The following LRFN5 variants were observed in gnomAD, a reference collection of about 807,000 sequenced individuals.
The protein encoded by LRFN5 is leucine rich repeat and fibronectin type III domain containing 5.
A neutral mutation model predicts 45.6 loss-of-function variants in LRFN5; 24 were observed. The ratio of observed to expected loss-of-function variants is 0.53; its 90% CI spans 0.38 to 0.74. The LOEUF is 0.74. Ranked by LOEUF, LRFN5 falls within the 30% of genes least tolerant of loss-of-function variation. The probability of loss-of-function intolerance (pLI) is 0.00; values close to 1 mark genes in which losing one functional copy is unlikely to be tolerated. For missense variants in LRFN5, 776 were observed against 861.5 expected (o/e 0.90, Z 1.24); for synonymous variants, 340 against 313.8 (o/e 1.08, Z -0.88).
At chr14:41,664,232 T>C (rs1218439756) in intron 1 of LRFN5, among the ~76,000 whole-genome samples, 1 of 152,072 alleles carries the variant, frequency 6.6e-6, no homozygotes, top group African/African-American at 2.4e-5. Flanking sequence ...ACCTTTAACT[T>C]AAAATACTAT....
chr14:41,619,301 G>A (rs1483557563), intron 1 of LRFN5, among the ~76,000 whole-genome samples: 2 of 151,586 alleles, frequency 1.3e-5, no homozygotes, highest in Non-Finnish European at 2.9e-5. Flanking sequence ...TTACTCTACA[G>A]GTATTTGACA....
chr14:41,874,573 T>C (rs949884253), intron 2 of LRFN5, among the ~76,000 whole-genome samples: 1 of 152,214 alleles, frequency 6.6e-6, no homozygotes, highest in Non-Finnish European at 1.5e-5. Context: ...TCCTTTCTCC[T>C]CTTCCTCATA....
chr14:41,882,683 C>G (rs1037085049), intron 2 of LRFN5, among the ~76,000 whole-genome samples: 2 of 152,024 alleles, frequency 1.3e-5, no homozygotes, highest in African/African-American at 4.8e-5. Context: ...GCTATTGGGG[C>G]TCTTGTGGAT....
At chr14:41,890,214 A>G (rs909341945) in intron 3 of LRFN5, among the ~76,000 whole-genome samples, 1 of 152,108 alleles carries the variant, frequency 6.6e-6, no homozygotes, top group Non-Finnish European at 1.5e-5. Context: ...AAACTCTTGC[A>G]CTTTATAAAT....
intron 1 of LRFN5, among the ~76,000 whole-genome samples, chr14:41,687,564 A>G (rs577930875): frequency 1.2e-4 from 18 of 152,348 alleles, no homozygotes; most frequent in Admixed American, 3.9e-4. Context: ...ATTATTTACA[A>G]TAGCGAAGAT....
chr14:41,676,037 C>G lies in LRFN5; in HGVS notation c.-197+67475C>G, dbSNP rs1367538559. Among the ~76,000 whole-genome samples, 4 of 152,186 alleles carry G rather than the reference C, an allele frequency of 2.6e-5. No homozygotes were observed. In the East Asian group the frequency reaches 7.7e-4, roughly 29 times the overall value. The stretch of plus-strand genomic sequence containing the variant: ...GTGAGCAACCAAGAAGGGAAAGCTC[C>G]CTTTTCCCTACATCCAGTCTGGGGC... On this transcript the variant is annotated intron_variant, in intron 1 of 5. Coordinates refer to ENST00000298119, the MANE Select transcript of LRFN5 (RefSeq NM_152447.5).
chr14:41,776,058 A>G (rs1410814846), intron 2 of LRFN5, among the ~76,000 whole-genome samples: 1 of 152,208 alleles, frequency 6.6e-6, no homozygotes, highest in Non-Finnish European at 1.5e-5. Flanking sequence ...TAGTGATTCC[A>G]GCAAACAACC....
In LRFN5 at chr14:41,793,597, G is replaced by A. The variant is rs973291030; in HGVS notation, c.-21+26568G>A. On this transcript the variant is annotated intron_variant, in intron 2 of 5. Coordinates refer to ENST00000298119, the MANE Select transcript of LRFN5 (RefSeq NM_152447.5). ...CTACAATTTATTGTCCAACTGGGAC[G>A]TTTCAGCTGTAAAAATGTTAATCCA... Among the ~76,000 whole-genome samples the A allele has an allele frequency of 4.6e-5, 7 of 151,834 alleles. No individual in the cohort carries two copies. In the East Asian group the frequency reaches 5.8e-4, roughly 13 times the overall value.
intron 1 of LRFN5, among the ~76,000 whole-genome samples, chr14:41,740,278 G>T (rs571863563): frequency 1.3e-5 from 2 of 151,952 alleles, no homozygotes; most frequent in South Asian, 4.2e-4. Context: ...TGATAAATAT[G>T]GAGCAAAAAT....
chr14:41,881,044 T>C (rs1890361743), intron 2 of LRFN5, among the ~76,000 whole-genome samples: 2 of 152,186 alleles, frequency 1.3e-5, no homozygotes, highest in Admixed American at 1.3e-4. Flanking sequence ...ATGGCCTGGT[T>C]ATTTTAGGCA....
At chr14:41,843,899 A>G (rs148179311) in intron 2 of LRFN5, among the ~76,000 whole-genome samples, 174 of 152,362 alleles carry the variant, frequency 1.1e-3, no homozygotes, top group African/African-American at 3.9e-3. Flanking sequence ...ATGGAAAGAT[A>G]TTTGCAACAA....
At chr14:41,720,903 G>C (rs1883687420) in intron 1 of LRFN5, among the ~76,000 whole-genome samples, 1 of 151,916 alleles carries the variant, frequency 6.6e-6, no homozygotes. Flanking sequence ...AGATACAATT[G>C]GTCAGTGTTG....
chr14:41,884,753 T>C (rs1018294348), intron 2 of LRFN5, among the ~76,000 whole-genome samples: 2 of 151,990 alleles, frequency 1.3e-5, no homozygotes, highest in Non-Finnish European at 2.9e-5. Context: ...ATTGGACAGG[T>C]TGGGGGCTCA....
intron 4 of LRFN5, among the ~76,000 whole-genome samples, chr14:41,897,566 C>A (rs1331737924): frequency 1.3e-5 from 2 of 151,926 alleles, no homozygotes; most frequent in African/African-American, 4.8e-5. Flanking sequence ...TTGTGTCCTG[C>A]AATATAGATT....
At chr14:41,644,613 G>A (rs1190316628) in intron 1 of LRFN5, among the ~76,000 whole-genome samples, 2 of 152,126 alleles carry the variant, frequency 1.3e-5, no homozygotes, top group Admixed American at 1.3e-4. Context: ...ATGTATATGT[G>A]TGTGTACTGG....
intron 1 of LRFN5, among the ~76,000 whole-genome samples, chr14:41,756,083 G>A (rs1403168370): frequency 6.6e-6 from 1 of 152,096 alleles, no homozygotes; most frequent in Non-Finnish European, 1.5e-5. Flanking sequence ...TAAAAATGTT[G>A]AATATTGGCC....
intron 1 of LRFN5, among the ~76,000 whole-genome samples, chr14:41,672,088 A>G (rs548093130): frequency 8.5e-5 from 13 of 152,342 alleles, no homozygotes; most frequent in African/African-American, 2.6e-4. Context: ...GCCTTAGGGC[A>G]CATATTCCTT....
At chr14:41,619,846 A>G (rs1159719737) in intron 1 of LRFN5, among the ~76,000 whole-genome samples, 2 of 152,022 alleles carry the variant, frequency 1.3e-5, no homozygotes, top group East Asian at 3.9e-4. Flanking sequence ...GTTGATGACC[A>G]TCCCAAAAGC....
At chr14:41,657,288 A>T (rs915375840) in intron 1 of LRFN5, among the ~76,000 whole-genome samples, 1 of 151,870 alleles carries the variant, frequency 6.6e-6, no homozygotes, top group Non-Finnish European at 1.5e-5. Flanking sequence ...TTTTTATTTA[A>T]TTTTACCCAC....
Sources: gnomAD v4.1 joint callset for allele counts (sites outside exome capture counted in the v4.1 genomes callset) on GRCh38, gnomAD v4.1.1 for gene constraint, MANE v1.5 for transcripts, NCBI Gene and HGNC (gene_info 2026-07-23, HGNC 2026-07-21) for gene names.